Variants in TUSC3 observed in about 807,000 individuals in gnomAD.
TUSC3 encodes the protein dolichyl-diphosphooligosaccharide--protein glycosyltransferase subunit TUSC3.
TUSC3 carries 45 observed loss-of-function variants against 44.8 expected under a neutral mutation model. The ratio of observed to expected loss-of-function variants is 1.00; its 90% CI spans 0.79 to 1.29. The LOEUF (loss-of-function observed/expected upper bound fraction) is 1.29, where lower values mean the gene tolerates loss of function less well. Ranked by LOEUF, TUSC3 falls within the 50% of genes most tolerant of loss-of-function variation. The probability of loss-of-function intolerance (pLI) is 0.00; values close to 1 mark genes in which losing one functional copy is unlikely to be tolerated. For synonymous variants in TUSC3, 212 were observed against 152.9 expected (o/e 1.39, Z -2.85); for missense variants, 519 against 437.9 (o/e 1.19, Z -1.65).
At chr8:15,572,435 T>A (rs191091088) in intron 1 of TUSC3, among the ~76,000 whole-genome samples, 1 of 152,202 alleles carries the variant, frequency 6.6e-6, no homozygotes, top group Admixed American at 6.5e-5. Flanking sequence ...GGGGATGTTG[T>A]TACTGATTTG....
chr8:15,445,745 C>G (rs1009912534), intron 1 of TUSC3, among the ~76,000 whole-genome samples: 2 of 152,232 alleles, frequency 1.3e-5, no homozygotes, highest in African/African-American at 4.8e-5. Context: ...ACAATCTGAT[C>G]TCTGTTTCTT....
At chr8:15,611,793 A>G (rs1408651507) in intron 1 of TUSC3, among the ~76,000 whole-genome samples, 1 of 152,154 alleles carries the variant, frequency 6.6e-6, no homozygotes, top group Admixed American at 6.5e-5. Context: ...TGGTTCCTAG[A>G]AGCATTAATT....
chr8:15,477,641 G>A (rs988089589), intron 1 of TUSC3, among the ~76,000 whole-genome samples: 1 of 152,106 alleles, frequency 6.6e-6, no homozygotes, highest in African/African-American at 2.4e-5. Flanking sequence ...AGAATGGCGT[G>A]AACCAGGGAG....
At chr8:15,713,662 C>G (rs576966835) in intron 6 of TUSC3, among the ~76,000 whole-genome samples, 127 of 152,130 alleles carry the variant, frequency 8.3e-4, no homozygotes, top group African/African-American at 3.0e-3. Flanking sequence ...TCCTCCCTCA[C>G]TCTTCCCATG....
At chr8:15,597,427 G>A (rs1369337180) in intron 1 of TUSC3, among the ~76,000 whole-genome samples, 1 of 151,998 alleles carries the variant, frequency 6.6e-6, no homozygotes, top group African/African-American at 2.4e-5. Context: ...ATGTCTTTCG[G>A]TTATGCTTTG....
At chr8:15,780,758 G>A in the TUSC3 span, among the ~76,000 whole-genome samples, 6 of 152,110 alleles carry the variant, frequency 3.9e-5, no homozygotes, top group Non-Finnish European at 7.4e-5. Context: ...TGTGGGCAAT[G>A]AGCACCCCAG....
rs185004777 is a variant in TUSC3, at chr8:15,452,981, C to T, written n.92-30405C>T. 1.8e-3 allele frequency among the ~76,000 whole-genome samples: 272 copies of T among 152,060 alleles called. 1 individual carries two copies. Among genetic ancestry groups the T allele is most frequent in the African/African-American group, 6.3e-3 (260 of 41,518 alleles). ...CACCAGACCAGATAGCGACCACTCC[C>T]CCGTCACAAGTACCACTTTTAATAA... On this transcript the variant is annotated intron_variant and non_coding_transcript_variant, in intron 1 of 5. Transcript: ENST00000503191.
chr8:15,515,533 T>G (rs1208539911), intron 2 of TUSC3, among the ~76,000 whole-genome samples: 1 of 152,166 alleles, frequency 6.6e-6, no homozygotes, highest in Non-Finnish European at 1.5e-5. Flanking sequence ...TTAATAGGTA[T>G]AGATTAGAAA....
At chr8:15,505,168 C>T (rs1005872169) in intron 2 of TUSC3, among the ~76,000 whole-genome samples, 1 of 152,192 alleles carries the variant, frequency 6.6e-6, no homozygotes, top group Non-Finnish European at 1.5e-5. Flanking sequence ...GGCTTTACTT[C>T]ATGACTGTTT....
chr8:15,527,560 A>T, intron 2 of TUSC3, among the ~76,000 whole-genome samples: 1 of 152,252 alleles, frequency 6.6e-6, no homozygotes, highest in Middle Eastern at 3.4e-3. Context: ...TTATAAAATT[A>T]ATTTGAACTT....
At chr8:15,420,757 T>A (rs1381912725) in intron 1 of TUSC3, among the ~76,000 whole-genome samples, 3 of 152,128 alleles carry the variant, frequency 2.0e-5, no homozygotes. Context: ...CACAGTGGTG[T>A]TCCCTGTCTC....
intron 6 of TUSC3, among the ~76,000 whole-genome samples, chr8:15,716,117 A>G (rs1810047640): frequency 6.6e-6 from 1 of 152,026 alleles, no homozygotes; most frequent in Admixed American, 6.6e-5. Flanking sequence ...TTAGCTTGGC[A>G]TGATGGTACA....
At chr8:15,647,716 G>C (rs1333001646) in intron 2 of TUSC3, among the ~76,000 whole-genome samples, 2 of 152,022 alleles carry the variant, frequency 1.3e-5, no homozygotes, top group Non-Finnish European at 2.9e-5. Context: ...AATTTTCTGA[G>C]AATTTGGGGT....
intron 2 of TUSC3, among the ~76,000 whole-genome samples, chr8:15,497,642 T>C (rs533131457): frequency 6.6e-6 from 1 of 152,326 alleles, no homozygotes; most frequent in African/African-American, 2.4e-5. Context: ...TGTGGAGTTT[T>C]GCTATGAAGG....
intron 2 of TUSC3, 123 bp from the exon 3 acceptor site, chr8:15,650,574 T>C (rs1806848747): frequency 2.7e-6 from 2 of 728,686 alleles, no homozygotes; most frequent in Non-Finnish European, 2.4e-6. Context: ...TTAAAAACTA[T>C]GCTTTTCTTA....
At chr8:15,490,308 C>T (rs982435213) in intron 2 of TUSC3, among the ~76,000 whole-genome samples, 1 of 152,148 alleles carries the variant, frequency 6.6e-6, no homozygotes, top group Non-Finnish European at 1.5e-5. Flanking sequence ...GGAATTCTGG[C>T]AGGATTGTCT....
intron 6 of TUSC3, among the ~76,000 whole-genome samples, chr8:15,692,371 C>CCTTT (rs1563175839): frequency 5.3e-5 from 1 of 18,822 alleles, no homozygotes; most frequent in Non-Finnish European, 1.0e-4. Flanking sequence ...CCCCCCCCCC[C>CCTTT]TTTGTTTTTT....
the TUSC3 span, among the ~76,000 whole-genome samples, chr8:15,815,932 C>T: frequency 2.0e-5 from 3 of 152,056 alleles, no homozygotes; most frequent in Admixed American, 6.6e-5. Context: ...TAAGTGCCAA[C>T]GAGGGCCCAT....
intron 9 of TUSC3, among the ~76,000 whole-genome samples, chr8:15,749,905 A>G (rs780903714): frequency 2.0e-5 from 3 of 147,134 alleles, no homozygotes; most frequent in African/African-American, 7.6e-5. Context: ...ATTTTCATCT[A>G]TAGCACTTAT....
Sources: gnomAD v4.1 joint callset for allele counts (sites outside exome capture counted in the v4.1 genomes callset) on GRCh38, gnomAD v4.1.1 for gene constraint, MANE v1.5 for transcripts, NCBI Gene and HGNC (gene_info 2026-07-23, HGNC 2026-07-21) for gene names.